The following CCSER1 variants were observed in gnomAD, a reference collection of about 807,000 sequenced individuals.
CCSER1 encodes serine-rich coiled-coil domain-containing protein 1.
CCSER1 carries 41 observed loss-of-function variants against 82.0 expected under a neutral mutation model. The ratio of observed to expected loss-of-function variants is 0.50; its 90% CI spans 0.39 to 0.65. The LOEUF (loss-of-function observed/expected upper bound fraction) is 0.65, where lower values mean the gene tolerates loss of function less well. Ranked by LOEUF, CCSER1 falls within the 30% of genes least tolerant of loss-of-function variation. The pLI, the probability that CCSER1 is intolerant of heterozygous loss-of-function variation, is 0.00. For missense variants in CCSER1, 1,119 were observed against 1,064.2 expected (o/e 1.05, Z -0.72); for synonymous variants, 414 against 383.9 (o/e 1.08, Z -0.92).
intron 3 of CCSER1, among the ~76,000 whole-genome samples, chr4:90,355,114 G>C (rs1482507207): frequency 6.6e-6 from 1 of 151,648 alleles, no homozygotes; most frequent in Non-Finnish European, 1.5e-5. Flanking sequence ...GAAGACTTCT[G>C]GATAAGACTC....
At chr4:90,301,029 T>A (rs1030930431) in intron 1 of CCSER1, among the ~76,000 whole-genome samples, 1 of 152,048 alleles carries the variant, frequency 6.6e-6, no homozygotes. Flanking sequence ...AGATGGGTTC[T>A]CCCTATGTTG....
At chr4:91,293,298 T>C (rs1430660549) in intron 10 of CCSER1, among the ~76,000 whole-genome samples, 2 of 151,962 alleles carry the variant, frequency 1.3e-5, no homozygotes, top group Non-Finnish European at 2.9e-5. Context: ...GTCTGTCGTT[T>C]GGGTATTTAT....
chr4:90,201,812 T>C (rs1332804881), intron 1 of CCSER1, among the ~76,000 whole-genome samples: 2 of 147,248 alleles, frequency 1.4e-5, no homozygotes, highest in Non-Finnish European at 3.0e-5. Flanking sequence ...TTTGTGTAGA[T>C]GGAGGGCAGG....
intron 5 of CCSER1, among the ~76,000 whole-genome samples, chr4:90,584,804 T>C (rs1781807481): frequency 6.6e-6 from 1 of 152,176 alleles, no homozygotes; most frequent in African/African-American, 2.4e-5. Context: ...GTTCAATTTT[T>C]AAATTTAAAC....
At chr4:90,161,813 G>C (rs1440821340) in intron 1 of CCSER1, among the ~76,000 whole-genome samples, 2 of 151,950 alleles carry the variant, frequency 1.3e-5, no homozygotes, top group Admixed American at 6.6e-5. Context: ...TTTCAGTTTA[G>C]AAAGTGCAAT....
At chr4:90,260,654 G>GT (rs1724150081) in intron 1 of CCSER1, among the ~76,000 whole-genome samples, 4 of 152,240 alleles carry the variant, frequency 2.6e-5, no homozygotes, top group African/African-American at 9.6e-5. Flanking sequence ...ATGCTTATGT[G>GT]TAAGATGAGT....
chr4:90,151,251 TAC>T (rs1418670892), intron 1 of CCSER1, among the ~76,000 whole-genome samples: 14 of 152,096 alleles, frequency 9.2e-5, no homozygotes, highest in Non-Finnish European at 1.6e-4. Context: ...GGTAAAATTG[TAC>T]AGGTAGCATT....
chr4:90,171,778 C>T (rs1050044149), intron 1 of CCSER1, among the ~76,000 whole-genome samples: 3 of 151,914 alleles, frequency 2.0e-5, no homozygotes, highest in Admixed American at 1.3e-4. Flanking sequence ...ATGCTATGTT[C>T]CAGCACCCAC....
At chr4:90,167,508 TA>T in intron 1 of CCSER1, among the ~76,000 whole-genome samples, 1 of 152,332 alleles carries the variant, frequency 6.6e-6, no homozygotes, top group East Asian at 1.9e-4. Flanking sequence ...AGTTTTAGGG[TA>T]CATGTGCACA....
intron 5 of CCSER1, among the ~76,000 whole-genome samples, chr4:90,536,493 A>G (rs1775385676): frequency 6.6e-6 from 1 of 152,160 alleles, no homozygotes; most frequent in Non-Finnish European, 1.5e-5. Flanking sequence ...CCTTGTTTCC[A>G]TCATCTTCTG....
chr4:91,396,677 A>T (rs1196919961), intron 10 of CCSER1, among the ~76,000 whole-genome samples: 1 of 152,062 alleles, frequency 6.6e-6, no homozygotes, highest in Non-Finnish European at 1.5e-5. Flanking sequence ...ATTTTAAGTG[A>T]TCATTTACTG....
chr4:91,557,829 T>C (rs2110243031), intron 10 of CCSER1, among the ~76,000 whole-genome samples: 1 of 151,552 alleles, frequency 6.6e-6, no homozygotes, highest in South Asian at 2.1e-4. Flanking sequence ...ATTAATATTT[T>C]CCTATAGGGA....
intron 10 of CCSER1, among the ~76,000 whole-genome samples, chr4:91,359,618 G>C (rs1012920666): frequency 3.3e-5 from 5 of 151,584 alleles, no homozygotes; most frequent in African/African-American, 1.2e-4. Flanking sequence ...CAAGCGATTA[G>C]TATCTCAGAT....
At chr4:90,166,339 C>A (rs1386559739) in intron 1 of CCSER1, among the ~76,000 whole-genome samples, 1 of 151,768 alleles carries the variant, frequency 6.6e-6, no homozygotes, top group Non-Finnish European at 1.5e-5. Context: ...TATCAGGGCA[C>A]AACCCAATCA....
chr4:91,324,327 G>A lies in CCSER1; in HGVS notation c.2217+238333G>A, dbSNP rs377341137. Among the ~76,000 whole-genome samples, 125 of 152,036 alleles carry A rather than the reference G, an allele frequency of 8.2e-4. 1 individual carries two copies. The highest frequency in any genetic ancestry group is 8.1e-3 in the East Asian group (42 of 5,168). ...ATTTTATGGTAATGTACTATTTGTC[G>A]GAGTGTCAAAATGACTTAATTGCTA... On this transcript the variant is annotated intron_variant, in intron 10 of 10. Transcript: ENST00000509176.
At chr4:91,302,180 T>G (rs555014769) in intron 10 of CCSER1, among the ~76,000 whole-genome samples, 6 of 151,996 alleles carry the variant, frequency 3.9e-5, no homozygotes, top group Admixed American at 6.6e-5. Context: ...TGCATTTAGA[T>G]GCAATCATCT....
intron 1 of CCSER1, among the ~76,000 whole-genome samples, chr4:90,132,121 A>G (rs1722922384): frequency 6.6e-6 from 1 of 152,230 alleles, no homozygotes; most frequent in African/African-American, 2.4e-5. Context: ...AGTTATTACA[A>G]AAGTGAAAGC....
chr4:90,719,786 C>T (rs1489253277), intron 6 of CCSER1, among the ~76,000 whole-genome samples: 1 of 152,140 alleles, frequency 6.6e-6, no homozygotes, highest in Admixed American at 6.5e-5. Context: ...GTAGTGTGTG[C>T]TGGGTTTCTC....
intron 1 of CCSER1, among the ~76,000 whole-genome samples, chr4:90,243,098 C>G (rs1024958439): frequency 5.4e-5 from 7 of 129,504 alleles, no homozygotes; most frequent in African/African-American, 2.1e-4. Flanking sequence ...GGATCTTGGT[C>G]TCTTGTCCAG....
Sources: allele counts gnomAD v4.1 joint callset (sites outside exome capture counted in the v4.1 genomes callset), GRCh38; gene constraint gnomAD v4.1.1; transcripts MANE v1.5; gene names NCBI Gene and HGNC (gene_info 2026-07-23, HGNC 2026-07-21).